GRM7: variants seen among roughly 807,000 people sequenced by gnomAD.
The protein encoded by GRM7 is metabotropic glutamate receptor 7.
In GRM7, 35 loss-of-function variants were observed where a neutral mutation model predicts 84.5. The observed-to-expected ratio is 0.41, with a 90% CI of 0.32 to 0.55. The LOEUF (loss-of-function observed/expected upper bound fraction) is 0.55. Among genes scored for constraint, GRM7 ranks in the 20% least tolerant of loss-of-function variants. GRM7 has a pLI of 0.19. For missense variants in GRM7, 1,003 were observed against 1,194.6 expected, an observed-to-expected ratio of 0.84 and a Z score of 2.36; for synonymous variants, 487 against 455.1, an observed-to-expected ratio of 1.07 and a Z score of -0.89.
intron 2 of GRM7, among the ~76,000 whole-genome samples, chr3:7,296,705 C>T (rs1699825156): frequency 6.6e-6 from 1 of 151,964 alleles, no homozygotes; most frequent in Non-Finnish European, 1.5e-5. Flanking sequence ...TCCATGAGAT[C>T]ATCAGGGTTA....
intron 2 of GRM7, among the ~76,000 whole-genome samples, chr3:7,181,072 C>G (rs577263109): frequency 6.6e-5 from 10 of 152,286 alleles, no homozygotes; most frequent in African/African-American, 2.2e-4. Flanking sequence ...TCAGTGTCCA[C>G]TCATTAACCA....
In GRM7 at chr3:7,151,915, T is replaced by A. The variant is rs1405571809; in HGVS notation, c.736+5247T>A. On this transcript the variant is annotated intron_variant, in intron 2 of 9. Coordinates refer to ENST00000357716, the MANE Select transcript of GRM7 (RefSeq NM_000844.4). The surrounding 1 kb of genome is among the most constrained non-coding windows in gnomAD (Gnocchi z 4.5). ...ATACCACCATCTATATTGAATTCTG[T>A]TTTTTTTTTCTTTCTGTCTATGTCA... Among the ~76,000 whole-genome samples, 4 of 81,946 alleles carry A rather than the reference T, an allele frequency of 4.9e-5. No homozygotes were observed. The highest frequency in any genetic ancestry group is 3.8e-4 in the African/African-American group (4 of 10,626). The allele number at this position is 81,946 out of a possible 152,430, so 53.8% of individuals were successfully genotyped here.
At chr3:7,254,796 A>T (rs2124946049) in intron 2 of GRM7, among the ~76,000 whole-genome samples, 1 of 152,306 alleles carries the variant, frequency 6.6e-6, no homozygotes, top group South Asian at 2.1e-4. Context: ...GAAAACTGGG[A>T]TAATATAAGT....
chr3:7,448,451 G>T (rs541159698), intron 5 of GRM7, among the ~76,000 whole-genome samples: 2 of 152,260 alleles, frequency 1.3e-5, no homozygotes, highest in Admixed American at 1.3e-4. Flanking sequence ...GATTAACTCA[G>T]TGAAAAGTCC....
rs117814630 is a variant in GRM7 at position 7,005,703 on chromosome 3, C to A, written c.520-140749C>A. Among the ~76,000 whole-genome samples, 406 of 152,238 alleles carry A rather than the reference C, an allele frequency of 2.7e-3. 12 individuals carry two copies. The East Asian group carries it at 0.069, about 26-fold the overall frequency. ...AAGAATCAAAATTTTAATTTAAATT[C>A]AAAAATCCAGGCTTACTTCAGATAC... On this transcript the variant is annotated intron_variant, in intron 1 of 9. Coordinates refer to ENST00000357716, the MANE Select transcript of GRM7 (RefSeq NM_000844.4).
chr3:7,461,867 G>A (rs1485097469), intron 7 of GRM7, 145 bp downstream of exon 7: 3 of 694,002 alleles, frequency 4.3e-6, no homozygotes, highest in Non-Finnish European at 7.5e-6. Context: ...AGCAGGAACT[G>A]ATATCCAATA....
chr3:7,463,952 G>T (rs963010413), intron 7 of GRM7, among the ~76,000 whole-genome samples: 1 of 152,178 alleles, frequency 6.6e-6, no homozygotes, highest in African/African-American at 2.4e-5. Flanking sequence ...AATGGAGGGG[G>T]CAAAAGTAGC....
At chr3:7,502,488 C>G (rs550673488) in intron 7 of GRM7, among the ~76,000 whole-genome samples, 1 of 151,964 alleles carries the variant, frequency 6.6e-6, no homozygotes, top group Non-Finnish European at 1.5e-5. Context: ...TCTTCCAAGT[C>G]TAAGAACAAA....
At chr3:7,670,769 G>T (rs960266536) in intron 8 of GRM7, among the ~76,000 whole-genome samples, 1 of 152,006 alleles carries the variant, frequency 6.6e-6, no homozygotes, top group South Asian at 2.1e-4. Context: ...GAACTTCATG[G>T]TGTATTACCC....
At chr3:7,532,876 A>T (rs1486244883) in intron 7 of GRM7, among the ~76,000 whole-genome samples, 1 of 84,008 alleles carries the variant, frequency 1.2e-5, no homozygotes, top group Non-Finnish European at 2.3e-5. Flanking sequence ...CAACAAAGAT[A>T]AAAAAAAAAA....
chr3:6,875,640 C>T (rs1695275158), intron 1 of GRM7, among the ~76,000 whole-genome samples: 2 of 152,158 alleles, frequency 1.3e-5, no homozygotes, highest in African/African-American at 4.8e-5. Flanking sequence ...ACAGACCAAT[C>T]ACCTGAGTTT....
intron 1 of GRM7, among the ~76,000 whole-genome samples, chr3:7,037,618 C>T (rs1696431372): frequency 6.6e-6 from 1 of 152,110 alleles, no homozygotes; most frequent in Non-Finnish European, 1.5e-5. Flanking sequence ...TGAGGAACTG[C>T]AAAGAACTTT....
intron 1 of GRM7, among the ~76,000 whole-genome samples, chr3:7,118,356 C>T (rs1693110722): frequency 6.6e-6 from 1 of 151,780 alleles, no homozygotes; most frequent in African/African-American, 2.4e-5. Context: ...TACCACCATC[C>T]TCCAGCTTGG....
chr3:7,060,016 C>T (rs540205756), intron 1 of GRM7, among the ~76,000 whole-genome samples: 1 of 151,922 alleles, frequency 6.6e-6, no homozygotes, highest in East Asian at 1.9e-4. Context: ...AGGCGAAGTC[C>T]AAAGGCTATT....
intron 4 of GRM7, among the ~76,000 whole-genome samples, chr3:7,414,505 A>G (rs1696077113): frequency 6.6e-6 from 1 of 152,170 alleles, no homozygotes; most frequent in African/African-American, 2.4e-5. Flanking sequence ...TGTCCTAAAG[A>G]GGAAGCTAGA....
chr3:7,504,151 A>G (rs1035213926), intron 7 of GRM7, among the ~76,000 whole-genome samples: 1 of 152,238 alleles, frequency 6.6e-6, no homozygotes, highest in South Asian at 2.1e-4. Flanking sequence ...GAGAAAGATA[A>G]TATCATTTTT....
intron 7 of GRM7, among the ~76,000 whole-genome samples, chr3:7,511,796 C>T (rs761806686): frequency 6.6e-6 from 1 of 152,112 alleles, no homozygotes; most frequent in Non-Finnish European, 1.5e-5. Flanking sequence ...GGTATCATAT[C>T]AGCAGCATAT....
At chr3:7,688,354 ACTGGTCTGTTTC>A (rs1191187455) in intron 9 of GRM7, among the ~76,000 whole-genome samples, 27 of 152,204 alleles carry the variant, frequency 1.8e-4, no homozygotes, top group African/African-American at 5.3e-4. Context: ...AATAATGTGG[ACTGGTCTGTTTC>A]CTATGTCAAT....
chr3:7,559,802 C>T (rs1031908009), intron 7 of GRM7, among the ~76,000 whole-genome samples: 1 of 152,086 alleles, frequency 6.6e-6, no homozygotes, highest in African/African-American at 2.4e-5. Context: ...TCTCCCAGTT[C>T]TGAAGGTTAG....
Sources: allele counts gnomAD v4.1 joint callset (sites outside exome capture counted in the v4.1 genomes callset), GRCh38; gene constraint gnomAD v4.1.1; non-coding constraint Gnocchi (gnomAD v3.1); transcripts MANE v1.5; gene names NCBI Gene and HGNC (gene_info 2026-07-23, HGNC 2026-07-21).